FMN2: variants seen among roughly 807,000 people sequenced by gnomAD.
FMN2 encodes formin 2.
A neutral mutation model predicts 142.3 loss-of-function variants in FMN2; 51 were observed. That is an observed-to-expected ratio of 0.36 (90% confidence interval 0.29 to 0.45). The LOEUF (loss-of-function observed/expected upper bound fraction) is 0.45, where lower values mean the gene tolerates loss of function less well. Ranked by LOEUF, FMN2 falls within the 20% of genes least tolerant of loss-of-function variation. The pLI is 1.00. For synonymous variants in FMN2, 882 were observed against 869.8 expected (o/e 1.01, Z -0.25); for missense variants, 1,936 against 2,122.8 (o/e 0.91, Z 1.73).
intron 16 of FMN2, among the ~76,000 whole-genome samples, chr1:240,446,979 CAT>C (rs1325563628): frequency 1.3e-5 from 2 of 152,170 alleles, no homozygotes; most frequent in Non-Finnish European, 2.9e-5. Context: ...TGCACTTAAA[CAT>C]TAGCAGCCTT....
At chr1:240,415,324 G>A (rs1476468125) in intron 15 of FMN2, among the ~76,000 whole-genome samples, 1 of 152,084 alleles carries the variant, frequency 6.6e-6, no homozygotes, top group African/African-American at 2.4e-5. Flanking sequence ...TCATAAGTGG[G>A]AGTTGAACAG....
chr1:240,304,673 C>A (rs1670317437), intron 8 of FMN2, among the ~76,000 whole-genome samples: 1 of 152,192 alleles, frequency 6.6e-6, no homozygotes, highest in African/African-American at 2.4e-5. Context: ...CCTCCTGCTT[C>A]TTTGTTTGCA....
chr1:240,368,096 A>G (rs1314700121), intron 14 of FMN2, among the ~76,000 whole-genome samples: 1 of 152,060 alleles, frequency 6.6e-6, no homozygotes, highest in Non-Finnish European at 1.5e-5. Flanking sequence ...GCCTATTTCC[A>G]TTATTTATCC....
rs543129821 is a variant in FMN2 at position 240,428,074 on chromosome 1, A to G, written c.4911-9987A>G. Among the ~76,000 whole-genome samples the G allele has an allele frequency of 2.6e-4, 39 of 152,226 alleles. 1 individual carries two copies. The highest frequency in any genetic ancestry group is 6.5e-4 in the Admixed American group (10 of 15,286). ...CAGGATTCTTTCCTTTAGTTTACCA[A>G]TTTTCAAAATAATGAGCGGTGTCGC... is the stretch of plus-strand genomic sequence containing the variant. On this transcript the variant is annotated intron_variant, in intron 15 of 17. Transcript: ENST00000319653.
chr1:240,434,555 G>GTTTTTTTTTTTTTTTTTTGTT (rs57596533), intron 15 of FMN2, among the ~76,000 whole-genome samples: 1 of 148,178 alleles, frequency 6.7e-6, no homozygotes, highest in Non-Finnish European at 1.5e-5. Flanking sequence ...TTTGTTTTTT[G>GTTTTTTTTTTTTTTTTTTGTT]TTTTTTTTTG....
rs1039757529 is a variant in FMN2, at chr1:240,265,640, A to G, written c.4153+7608A>G. Among the ~76,000 whole-genome samples the G allele has an allele frequency of 3.3e-5, 5 of 152,156 alleles. No individual in the cohort carries two copies. The East Asian group carries it at 9.6e-4, about 29-fold the overall frequency. ...GCACCCCAGTTTGTCATATTTTGCT[A>G]TGGCAGCCCAAGCTGTCCAAGACAG... On this transcript the variant is annotated intron_variant, in intron 7 of 17. Transcript: ENST00000319653.
At chr1:240,384,021 T>C (rs1673318597) in intron 14 of FMN2, among the ~76,000 whole-genome samples, 1 of 152,134 alleles carries the variant, frequency 6.6e-6, no homozygotes, top group South Asian at 2.1e-4. Context: ...AGCTGAAGGC[T>C]ATTATCCTAA....
chr1:240,223,443 T>TTTTG (rs1667192092), intron 6 of FMN2, among the ~76,000 whole-genome samples: 1 of 151,920 alleles, frequency 6.6e-6, no homozygotes, highest in Admixed American at 6.6e-5. Context: ...GCCTGAAATT[T>TTTTG]TTTTGTTTTG....
intron 15 of FMN2, among the ~76,000 whole-genome samples, chr1:240,400,242 G>A (rs1673927870): frequency 6.6e-6 from 1 of 152,162 alleles, no homozygotes; most frequent in South Asian, 2.1e-4. Flanking sequence ...CATCAGATCA[G>A]GAGGTCAGGC....
chr1:240,325,816 A>G (rs1369089979), intron 8 of FMN2, among the ~76,000 whole-genome samples: 1 of 152,186 alleles, frequency 6.6e-6, no homozygotes, highest in Non-Finnish European at 1.5e-5. Context: ...AGTGCTGGCT[A>G]GTGTTTCTGA....
At chr1:240,421,620 G>T (rs1166592552) in intron 15 of FMN2, among the ~76,000 whole-genome samples, 2 of 152,014 alleles carry the variant, frequency 1.3e-5, no homozygotes, top group East Asian at 1.9e-4. Flanking sequence ...TGTTTTGTGG[G>T]GGGTGTGGGT....
intron 7 of FMN2, among the ~76,000 whole-genome samples, chr1:240,275,157 G>C (rs1366402954): frequency 1.3e-5 from 2 of 151,022 alleles, no homozygotes; most frequent in Admixed American, 1.3e-4. Flanking sequence ...TGTTACATAG[G>C]TATACACGTG....
At chr1:240,426,828 C>T (rs962505821) in intron 15 of FMN2, among the ~76,000 whole-genome samples, 7 of 151,932 alleles carry the variant, frequency 4.6e-5, no homozygotes, top group Admixed American at 3.3e-4. Context: ...CTCCGCCTCC[C>T]GGGTTCAAGC....
chr1:240,143,320 G>T, intron 2 of FMN2: 1 of 1,508,516 alleles, frequency 6.6e-7, no homozygotes, highest in Non-Finnish European at 9.2e-7. Flanking sequence ...TAAAGGTACA[G>T]CCCTCCGGAG....
intron 6 of FMN2, among the ~76,000 whole-genome samples, chr1:240,218,301 A>G (rs986306107): frequency 3.3e-5 from 5 of 151,180 alleles, no homozygotes; most frequent in Non-Finnish European, 7.4e-5. Flanking sequence ...AAAAAAAAAA[A>G]AAAAAAGATT....
rs35191164 is a variant in FMN2, at chr1:240,098,097, ATTTTTTTT to A, written c.1615+4387_1615+4394del. Among the ~76,000 whole-genome samples, 6 of 98,690 alleles carry A rather than the reference ATTTTTTTT, an allele frequency of 6.1e-5. No homozygotes were observed. In the South Asian group the frequency reaches 1.7e-3, roughly 28 times the overall value. 64.7% of individuals were successfully genotyped at this position (98,690 alleles called of 152,430 possible). On this transcript the variant is annotated intron_variant, in intron 1 of 17. Coordinates refer to ENST00000319653, the MANE Select transcript of FMN2 (RefSeq NM_020066.5). The stretch of plus-strand genomic sequence containing the variant: ...TTGGCCTTTCTAAAGGTTATCTTGA[ATTTTTTTT>A]TTTTTTTTTTTTTGGAGACAGATTT...
At chr1:240,188,589 TC>T (rs112256241) in intron 4 of FMN2, among the ~76,000 whole-genome samples, 34 of 152,328 alleles carry the variant, frequency 2.2e-4, no homozygotes, top group African/African-American at 7.9e-4. Context: ...ATGTGCCTGC[TC>T]AAACAGTCCC....
intron 15 of FMN2, among the ~76,000 whole-genome samples, chr1:240,415,533 A>T (rs201964615): frequency 7.2e-6 from 1 of 138,504 alleles, no homozygotes; most frequent in African/African-American, 2.6e-5. Context: ...AGTATAATAA[A>T]AAAAAAAAAA....
chr1:240,114,375 C>T (rs1661935946), intron 1 of FMN2, among the ~76,000 whole-genome samples: 1 of 152,236 alleles, frequency 6.6e-6, no homozygotes, highest in Non-Finnish European at 1.5e-5. Flanking sequence ...GCTGAGTTCT[C>T]CTTTCTTTTG....
Sources: allele counts gnomAD v4.1 joint callset (sites outside exome capture counted in the v4.1 genomes callset), GRCh38; gene constraint gnomAD v4.1.1; transcripts MANE v1.5; gene names NCBI Gene and HGNC (gene_info 2026-07-23, HGNC 2026-07-21).